NXPE2: variants seen among roughly 807,000 people sequenced by gnomAD.
NXPE2 encodes the protein NXPE family member 2.
Under a neutral mutation model 34.4 loss-of-function variants are expected in NXPE2, and 34 were observed. The ratio of observed to expected loss-of-function variants is 0.99; its 90% confidence interval spans 0.75 to 1.31. The LOEUF is 1.31. NXPE2 is among the 40% of genes most tolerant of loss of function. The pLI, the probability that NXPE2 is intolerant of heterozygous loss-of-function variation, is 0.00. For synonymous variants in NXPE2, 235 were observed against 231.3 expected (o/e 1.02, Z -0.15); for missense variants, 649 against 672.5 (o/e 0.97, Z 0.39).
chr11:114,564,348 T>C, the NXPE2 span, among the ~76,000 whole-genome samples: 6 of 152,048 alleles, frequency 3.9e-5, no homozygotes, highest in African/African-American at 9.7e-5. Context: ...AGACTACACA[T>C]TGGGTACAGT....
chr11:114,736,509 A>C, the NXPE2 span, among the ~76,000 whole-genome samples: 2 of 152,236 alleles, frequency 1.3e-5, no homozygotes, highest in Non-Finnish European at 2.9e-5. Context: ...GTTTAAGGTT[A>C]TCTCTCTTGT....
chr11:114,503,921 GGCCCCA>G, the NXPE2 span, among the ~76,000 whole-genome samples: 1 of 152,206 alleles, frequency 6.6e-6, no homozygotes, highest in Non-Finnish European at 1.5e-5. Context: ...CCTCTCCCAT[GGCCCCA>G]GCCTGGCCTT....
chr11:114,767,906 T>G, the NXPE2 span, among the ~76,000 whole-genome samples: 2 of 152,196 alleles, frequency 1.3e-5, no homozygotes, highest in African/African-American at 4.8e-5. Flanking sequence ...TTCTGCTGAT[T>G]ATTAGCTATC....
chr11:114,617,414 A>C, the NXPE2 span, among the ~76,000 whole-genome samples: 1 of 152,172 alleles, frequency 6.6e-6, no homozygotes, highest in Non-Finnish European at 1.5e-5. Flanking sequence ...GTGGGTAACC[A>C]CTGTTACCGG....
intron 2 of NXPE2, among the ~76,000 whole-genome samples, chr11:114,681,712 A>G (rs1163988649): frequency 2.0e-5 from 3 of 152,184 alleles, no homozygotes; most frequent in South Asian, 2.1e-4. Flanking sequence ...TATCAGAATT[A>G]TAGGAGTTTC....
chr11:114,582,167 C>T, the NXPE2 span: 1 of 1,026,888 alleles, frequency 9.7e-7, no homozygotes, highest in Non-Finnish European at 1.4e-6. Context: ...CAGATCCTTT[C>T]CCCAAAGGCT....
At chr11:114,654,231 C>T in the NXPE2 span, among the ~76,000 whole-genome samples, 6 of 152,020 alleles carry the variant, frequency 3.9e-5, no homozygotes, top group Admixed American at 6.6e-5. Flanking sequence ...AAAAACACAT[C>T]CAAAGCCCCT....
At chr11:114,655,287 T>A in the NXPE2 span, among the ~76,000 whole-genome samples, 2 of 152,228 alleles carry the variant, frequency 1.3e-5, no homozygotes, top group Admixed American at 1.3e-4. Context: ...TTGTTCACTC[T>A]GATGATAGTT....
At chr11:114,668,050 G>A in the NXPE2 span, among the ~76,000 whole-genome samples, 1 of 151,910 alleles carries the variant, frequency 6.6e-6, no homozygotes, top group African/African-American at 2.4e-5. Flanking sequence ...AGGAACCTCA[G>A]CCTTTCTTAG....
the NXPE2 span, among the ~76,000 whole-genome samples, chr11:114,775,311 A>G: frequency 3.3e-4 from 51 of 152,322 alleles, no homozygotes; most frequent in Non-Finnish European, 6.2e-4. Flanking sequence ...AGGGCCTTCA[A>G]GGTGGGACGA....
At chr11:114,608,433 G>A in the NXPE2 span, among the ~76,000 whole-genome samples, 125 of 150,550 alleles carry the variant, frequency 8.3e-4, no homozygotes, top group Middle Eastern at 3.5e-3. Context: ...GTGTTGCCTC[G>A]CAGGAAAGCA....
chr11:114,584,859 T>A, the NXPE2 span, among the ~76,000 whole-genome samples: 2 of 152,158 alleles, frequency 1.3e-5, no homozygotes, highest in Admixed American at 6.5e-5. Flanking sequence ...CCAGGGCAGC[T>A]GTGCTGGGTG....
the NXPE2 span, among the ~76,000 whole-genome samples, chr11:114,537,102 C>T: frequency 6.6e-6 from 1 of 152,074 alleles, no homozygotes; most frequent in Non-Finnish European, 1.5e-5. Flanking sequence ...GGTCTTCAAC[C>T]CTGGGATGCA....
the NXPE2 span, chr11:114,513,102 A>C: frequency 1.9e-6 from 1 of 531,126 alleles, no homozygotes; most frequent in South Asian, 1.5e-5. Context: ...ACCTTTCCTG[A>C]AGCACCTGCC....
chr11:114,594,567 A>G, the NXPE2 span: 3 of 777,034 alleles, frequency 3.9e-6, no homozygotes, highest in Admixed American at 2.4e-5. Flanking sequence ...CTCCCCTCCT[A>G]TAATCTACAA....
At chr11:114,471,129 A>G in the NXPE2 span, among the ~76,000 whole-genome samples, 1 of 152,114 alleles carries the variant, frequency 6.6e-6, no homozygotes, top group African/African-American at 2.4e-5. Flanking sequence ...AGAATGTCTT[A>G]ATTTTCATGA....
At chr11:114,726,948 T>C in the NXPE2 span, among the ~76,000 whole-genome samples, 1 of 136,172 alleles carries the variant, frequency 7.3e-6, no homozygotes, top group South Asian at 2.4e-4. Context: ...CATCGTATTG[T>C]CTAAGAAGAC....
the NXPE2 span, among the ~76,000 whole-genome samples, chr11:114,628,676 A>G: frequency 1.0e-5 from 1 of 100,360 alleles, no homozygotes; most frequent in Non-Finnish European, 2.0e-5. Flanking sequence ...AAATCAGAGC[A>G]GAACTGAAGG....
chr11:114,524,218 A>C, the NXPE2 span, among the ~76,000 whole-genome samples: 1 of 152,274 alleles, frequency 6.6e-6, no homozygotes, highest in South Asian at 2.1e-4. Flanking sequence ...TCTGGAAAAA[A>C]CTTAGTCATG....
Sources: gnomAD v4.1 joint callset for allele counts (sites outside exome capture counted in the v4.1 genomes callset) on GRCh38, gnomAD v4.1.1 for gene constraint, MANE v1.5 for transcripts, NCBI Gene and HGNC (gene_info 2026-07-23, HGNC 2026-07-21) for gene names.